The following MYH4 variants were observed in gnomAD, a reference collection of about 807,000 sequenced individuals.
The protein encoded by MYH4 is myosin-4.
MYH4 carries 200 observed loss-of-function variants against 229.9 expected under a neutral mutation model. The ratio of observed to expected loss-of-function variants is 0.87; its 90% confidence interval spans 0.78 to 0.98. The LOEUF is 0.98. Ranked by LOEUF, MYH4 falls within the 50% of genes least tolerant of loss-of-function variation. MYH4 has a pLI of 0.00. For missense variants in MYH4, 2,148 were observed against 2,332.6 expected (o/e 0.92, Z 1.63); for synonymous variants, 761 against 834.6 (o/e 0.91, Z 1.52).
At position 10,452,188 on chromosome 17, in the gene MYH4, T is replaced by C. The variant is rs1034993032; in HGVS notation, c.3491A>G (p.Gln1164Arg). The C allele has an allele frequency of 6.2e-6, 10 of 1,613,810 alleles. No individual in the cohort carries two copies. The highest frequency in any genetic ancestry group is 2.2e-5 in the South Asian group (2 of 91,072). ...CTCCCGCTTCTTGTTCATCTCAATCTGGGCTGAAGTGGCCCCACCGGCTTC... is the reference window on the plus strand; with the variant it reads ...CTCCCGCTTCTTGTTCATCTCAATCCGGGCTGAAGTGGCCCCACCGGCTTC... Reference protein sequence around the residue: ...LEEAGGATSAQIEMNKKREAE... With the variant: ...LEEAGGATSARIEMNKKREAE... The change falls in exon 27 of 40, where the codon CAG (glutamine) becomes CGG (arginine). Residue 1164 changes from glutamine (Q) to arginine (R), a missense_variant. Transcript: ENST00000255381.
rs766870001 is a variant in MYH4 at position 10,445,110 on chromosome 17, C to T, written c.5332G>A (p.Asp1778Asn). 1.9e-6 allele frequency: 3 copies of T among 1,614,190 alleles called. No individual in the cohort carries two copies. In the Admixed American group the frequency reaches 5.0e-5, roughly 27 times the overall value. The change falls in exon 37 of 40, where the codon GAC becomes AAC. Residue 1778 changes from aspartate to asparagine, a missense_variant. By Grantham distance (23) the Asp-to-Asn change is conservative (BLOSUM62 1). Coordinates refer to ENST00000255381, the MANE Select transcript of MYH4 (RefSeq NM_017533.2). ...MMAEELKKEQ[D>N]TSAHLERMKK... ...ATCCGCTCCAGGTGGGCGCTGGTGT[C>T]CTGTTCCTTCTTCAGCTCCTCAGCC...
intron 5 of MYH4, 38 bp downstream of exon 5, chr17:10,465,404 T>A: frequency 6.2e-7 from 1 of 1,609,152 alleles, no homozygotes; most frequent in South Asian, 1.1e-5. Context: ...TATACAACTA[T>A]TTTACAAATG....
In MYH4 at chr17:10,445,058, T is replaced by C. The variant is rs75173310; in HGVS notation, c.5384A>G (p.Lys1795Arg). ...RMKKNMEQTV[K>R]DLQLRLDEAE... ...CTCATCCAGACGGAGCTGCAGATCC[T>C]TCACGGTCTGCTCCATGTTCTTCTT... Residue 1795 changes from lysine to arginine, a missense_variant, in exon 37 of 40, where the codon AAG becomes AGG. By Grantham distance (26) the Lys-to-Arg change is conservative. Coordinates refer to ENST00000255381, the MANE Select transcript of MYH4 (RefSeq NM_017533.2). 6.9e-4 allele frequency: 1,120 copies of C among 1,614,176 alleles called. 6 individuals carry two copies. Among genetic ancestry groups the C allele is most frequent in the Middle Eastern group, 5.3e-3 (32 of 6,062 alleles).
Position 10,468,567 on chromosome 17 carries a change from A to G in MYH4, c.-40+721T>C, listed in dbSNP as rs193241901. Among the ~76,000 whole-genome samples the G allele has an allele frequency of 1.1e-4, 17 of 152,374 alleles. No individual in the cohort carries two copies. In the East Asian group the frequency reaches 3.3e-3, roughly 29 times the overall value. ...ATATCCTTAACATCATACTAAAAGT[A>G]CATGTCTCCACATGAACAATTAGCA... is the stretch of plus-strand genomic sequence containing the variant. On this transcript the variant is annotated intron_variant, in intron 2 of 39. Transcript: ENST00000255381.
intron 11 of MYH4, among the ~76,000 whole-genome samples, chr17:10,462,397 A>T (rs1296619435): frequency 6.6e-6 from 1 of 152,170 alleles, no homozygotes; most frequent in Admixed American, 6.6e-5. Flanking sequence ...AATGCTGCTT[A>T]GGGAGTAGAG....
chr17:10,465,716 A>C (rs2072756609), intron 4 of MYH4, 118 bp from the exon 5 acceptor site: 4 of 1,295,690 alleles, frequency 3.1e-6, no homozygotes. Context: ...ATAAAGTTTC[A>C]TTCATTTGTT....
chr17:10,445,310 A>T lies in MYH4; in HGVS notation c.5222T>A (p.Ile1741Asn). 1 of 1,613,902 alleles carries T rather than the reference A, an allele frequency of 6.2e-7. No individual in the cohort carries two copies. The highest frequency in any genetic ancestry group is 8.5e-7 in the Non-Finnish European group (1 of 1,179,966). The change falls in exon 36 of 40, where the codon ATC (isoleucine) becomes AAC (asparagine). Residue 1741 changes from isoleucine (I) to asparagine (N), a missense_variant. Ile to Asn is a moderately radical substitution (Grantham distance 149). Coordinates refer to ENST00000255381, the MANE Select transcript of MYH4 (RefSeq NM_017533.2). The stretch of plus-strand genomic sequence containing the variant: ...GACGATGTCCTCCATCTCTCCCTGG[A>T]TTTGGGAAATGTCTGTTTCCAGCTT... Reference protein sequence around the residue: ...KKKLETDISQIQGEMEDIVQE... With the variant: ...KKKLETDISQNQGEMEDIVQE...
At chr17:10,463,304 A>AAAGATTCTCAATC in intron 9 of MYH4, 34 bp downstream of exon 9, 1 of 1,577,264 alleles carries the variant, frequency 6.3e-7, no homozygotes, top group African/African-American at 1.4e-5. Context: ...CCACAAAGAA[A>AAAGATTCTCAATC]AAGATTCTCA....
rs1881082435 is a variant in MYH4, at chr17:10,463,069, TAAATC to T, written c.904+16_904+20del. 6.3e-7 allele frequency: 1 copy of T among 1,599,908 alleles called. No homozygotes were observed. Among genetic ancestry groups the T allele is most frequent in the African/African-American group, 1.3e-5 (1 of 74,458 alleles). On this transcript the variant is annotated intron_variant, in intron 10 of 39. Coordinates refer to ENST00000255381, the MANE Select transcript of MYH4 (RefSeq NM_017533.2). ...AAGGGCTGTTATTCTTTGGTAGAAA[TAAATC>T]AAAGATGTGTCTTACCAATGAGCTC...
In MYH4 at chr17:10,443,992, G is replaced by A. The variant is rs896002054; in HGVS notation, c.5668-465C>T. ...TGAGAGCAAGGCATCCCACAAACTCGCCTATGTAAATGAATGTGCTTATGA... is the reference window on the plus strand; with the variant it reads ...TGAGAGCAAGGCATCCCACAAACTCACCTATGTAAATGAATGTGCTTATGA... On this transcript the variant is annotated intron_variant, in intron 39 of 39. Transcript: ENST00000255381. The surrounding 1 kb of genome is among the most constrained non-coding windows in gnomAD (Gnocchi z 4.6). Among the ~76,000 whole-genome samples, 1 of 151,786 alleles carries A rather than the reference G, an allele frequency of 6.6e-6. No individual in the cohort carries two copies. The highest frequency in any genetic ancestry group is 2.4e-5 in the African/African-American group (1 of 41,304).
chr17:10,444,568 A>C, intron 39 of MYH4, 36 bp downstream of exon 39: 1 of 1,570,516 alleles, frequency 6.4e-7, no homozygotes, highest in Admixed American at 1.7e-5. Context: ...CTGGATGTGC[A>C]TCTGAACCTT....
Position 10,452,917 on chromosome 17 carries a change from C to T in MYH4, c.3127G>A (p.Glu1043Lys). 6.2e-7 allele frequency: 1 copy of T among 1,603,688 alleles called. No homozygotes were observed. The highest frequency in any genetic ancestry group is 1.7e-4 in the Middle Eastern group (1 of 6,040). Reference protein sequence around the residue: ...QQVDDLEGSLEQEKKLCMDLE... With the variant: ...QQVDDLEGSLKQEKKLCMDLE... ...TCCATGCAAAGTTTCTTTTCTTGTT[C>T]CAGAGATCCTTCAAGCTAAATTTAT... Residue 1043 changes from glutamate to lysine, a missense_variant, in exon 25 of 40, where the codon GAA becomes AAA. Physicochemically the swap from Glu to Lys is moderately conservative, Grantham distance 56 (BLOSUM62 1). Coordinates refer to ENST00000255381, the MANE Select transcript of MYH4 (RefSeq NM_017533.2).
At position 10,449,010 on chromosome 17, in the gene MYH4, G is replaced by A. The variant is rs760199749; in HGVS notation, c.4219C>T (p.His1407Tyr). The change falls in exon 31 of 40, where the codon CAT (histidine) becomes TAT (tyrosine). Residue 1407 changes from histidine to tyrosine, a missense_variant. By Grantham distance (83) the His-to-Tyr change is moderately conservative. Transcript: ENST00000255381. ...LAQRLQDAEE[H>Y]VEAVNSKCAS... Reference sequence around the variant, plus strand: ...CATTTGGAATTCACAGCTTCTACATGTTCTTCTGCATCCTGCAGACGCTGG... The same window carrying A: ...CATTTGGAATTCACAGCTTCTACATATTCTTCTGCATCCTGCAGACGCTGG... 8 of 1,614,140 alleles carry A rather than the reference G, an allele frequency of 5.0e-6. No individual in the cohort carries two copies. The East Asian group carries it at 1.3e-4, about 27-fold the overall frequency.
At chr17:10,447,739 G>A (rs2072527148) in intron 34 of MYH4, 79 bp downstream of exon 34, 1 of 1,349,346 alleles carries the variant, frequency 7.4e-7, no homozygotes, top group Admixed American at 2.2e-5. Context: ...ATGACACATA[G>A]TCCTCGTAAA....
chr17:10,454,964 C>G lies in MYH4; in HGVS notation c.2412G>C (p.Glu804Asp), dbSNP rs1431439547. 1 of 1,614,208 alleles carries G rather than the reference C, an allele frequency of 6.2e-7. No individual in the cohort carries two copies. Among genetic ancestry groups the G allele is most frequent in the Non-Finnish European group, 8.5e-7 (1 of 1,180,038 alleles). The change falls in exon 21 of 40, where the codon GAG (glutamate) becomes GAC (aspartate). Residue 804 changes from glutamate to aspartate, a missense_variant. Glu to Asp is a conservative substitution (Grantham distance 45). Coordinates refer to ENST00000255381, the MANE Select transcript of MYH4 (RefSeq NM_017533.2). Reference protein sequence around the residue: ...AICRGFLMRVEFRKMMERRES... With the variant: ...AICRGFLMRVDFRKMMERRES... ...ACCTCCTCTCCATCATCTTTCTGAA[C>G]TCCACTCTCATCAGGAACCCTCTGC...
Position 10,457,646 on chromosome 17 carries a change from T to G in MYH4, c.1671A>C (p.Glu557Asp). 6.2e-7 allele frequency: 1 copy of G among 1,614,200 alleles called. No individual in the cohort carries two copies. The highest frequency in any genetic ancestry group is 1.3e-5 in the African/African-American group (1 of 75,062). Residue 557 changes from glutamate (E) to aspartate (D), a missense_variant, in exon 16 of 40, where the codon GAA becomes GAC. Physicochemically the swap from Glu to Asp is conservative, Grantham distance 45. Transcript: ENST00000255381. ...AGTTGTTGGATTTTCCAAGATGTTGTTCATACAGCTTGTTCTTGAAGGAGG... is the reference window on the plus strand; with the variant it reads ...AGTTGTTGGATTTTCCAAGATGTTGGTCATACAGCTTGTTCTTGAAGGAGG... Reference protein sequence around the residue: ...TDTSFKNKLYEQHLGKSNNFQ... With the variant: ...TDTSFKNKLYDQHLGKSNNFQ...
chr17:10,447,683 T>C (rs2072526758), intron 34 of MYH4, 135 bp downstream of exon 34: 2 of 886,874 alleles, frequency 2.3e-6, no homozygotes, highest in Non-Finnish European at 3.5e-6. Context: ...GTTGTGTGTG[T>C]ATAACTTTGA....
At chr17:10,454,344 A>G (rs2072613627) in intron 22 of MYH4, among the ~76,000 whole-genome samples, 1 of 152,250 alleles carries the variant, frequency 6.6e-6, no homozygotes, top group South Asian at 2.1e-4. Flanking sequence ...TGATATTTTT[A>G]TGAATTTGCT....
rs751516938 is a variant in MYH4, at chr17:10,448,890, C to T, written c.4339G>A (p.Asp1447Asn). The T allele has an allele frequency of 6.2e-6, 10 of 1,614,102 alleles. No individual in the cohort carries two copies. The highest frequency in any genetic ancestry group is 5.0e-5 in the Admixed American group (3 of 60,006). The change falls in exon 31 of 40, where the codon GAT (aspartate) becomes AAT (asparagine). Residue 1447 changes from aspartate to asparagine, a missense_variant. By Grantham distance (23) the Asp-to-Asn change is conservative. Transcript: ENST00000255381. ...ERSNAACIAL[D>N]KKQRNFDKVL... ...TTGTCAAAGTTTCTTTGCTTCTTAT[C>T]GAGAGCTATGCAGGCAGCATTAGAT...
Sources: allele counts gnomAD v4.1 joint callset (sites outside exome capture counted in the v4.1 genomes callset), GRCh38; gene constraint gnomAD v4.1.1; non-coding constraint Gnocchi (gnomAD v3.1); transcripts MANE v1.5; gene names NCBI Gene and HGNC (gene_info 2026-07-23, HGNC 2026-07-21).